Variants in PTPRF observed in about 807,000 individuals in gnomAD.
PTPRF encodes the protein receptor-type tyrosine-protein phosphatase F.
Under a neutral mutation model 201.8 loss-of-function variants are expected in PTPRF, and 59 were observed. The observed-to-expected ratio is 0.29, with a 90% CI of 0.24 to 0.36. PTPRF has a LOEUF of 0.36. PTPRF is among the 10% of genes least tolerant of loss of function. The pLI is 1.00. For missense variants in PTPRF, 2,132 were observed against 2,690.5 expected (o/e 0.79, Z 4.59); for synonymous variants, 1,088 against 1,089.7 (o/e 1.00, Z 0.03).
chr1:43,599,428 C>A (rs1653189837), intron 13 of PTPRF, among the ~76,000 whole-genome samples: 1 of 152,156 alleles, frequency 6.6e-6, no homozygotes, highest in African/African-American at 2.4e-5. Context: ...GGCTGGCATC[C>A]ACTCTTCCCA....
chr1:43,595,172 C>A (rs1035976274), intron 11 of PTPRF, among the ~76,000 whole-genome samples: 5 of 151,974 alleles, frequency 3.3e-5, no homozygotes, highest in African/African-American at 1.2e-4. Context: ...TAGAGAGGGC[C>A]GTGGAGCTGA....
At chr1:43,595,508 C>T (rs892678400) in intron 11 of PTPRF, among the ~76,000 whole-genome samples, 6 of 151,064 alleles carry the variant, frequency 4.0e-5, no homozygotes, top group African/African-American at 1.5e-4. Flanking sequence ...GCGTGAGCCA[C>T]CGCGCCCGGC....
At position 43,590,974 on chromosome 1, in the gene PTPRF, C is replaced by T. The variant is rs1650532176; in HGVS notation, c.952C>T (p.Leu318Phe). 1.9e-6 allele frequency: 3 copies of T among 1,603,302 alleles called. No homozygotes were observed. The Admixed American group carries it at 5.0e-5, about 27-fold the overall frequency. ...TGAGCCTTCCACTTTGTCTCCAGCTCTTCCAAAGCCTCCGATTGATCTTGT... is the reference window on the plus strand; with the variant it reads ...TGAGCCTTCCACTTTGTCTCCAGCTTTTCCAAAGCCTCCGATTGATCTTGT... ...EATAQVTVKA[L>F]PKPPIDLVVT... The change falls in exon 9 of 34, where the codon CTT (leucine) becomes TTT (phenylalanine). Residue 318 changes from leucine to phenylalanine, a missense_variant and splice_region_variant. Transcript: ENST00000359947.
intron 2 of PTPRF, among the ~76,000 whole-genome samples, chr1:43,539,793 G>A (rs1030611669): frequency 6.6e-6 from 1 of 152,188 alleles, no homozygotes; most frequent in Non-Finnish European, 1.5e-5. Flanking sequence ...GTCCTCTCGG[G>A]AGGCCACTAG....
At chr1:43,548,248 C>G (rs1281812689) in intron 3 of PTPRF, among the ~76,000 whole-genome samples, 2 of 152,000 alleles carry the variant, frequency 1.3e-5, no homozygotes, top group African/African-American at 4.8e-5. Context: ...GGTCCGAAGA[C>G]CAGGTGGGAG....
intron 11 of PTPRF, among the ~76,000 whole-genome samples, chr1:43,597,178 T>C (rs1396046024): frequency 1.3e-5 from 2 of 152,176 alleles, no homozygotes; most frequent in Admixed American, 6.5e-5. Context: ...AGACACTATG[T>C]GTATGTGACA....
At chr1:43,616,982 A>G (rs1244641839) in intron 23 of PTPRF, among the ~76,000 whole-genome samples, 1 of 152,134 alleles carries the variant, frequency 6.6e-6, no homozygotes, top group African/African-American at 2.4e-5. Flanking sequence ...AGAGCCGAGC[A>G]GGGAGGGATC....
Position 43,566,114 on chromosome 1 carries a change from C to T in PTPRF, c.380-3476C>T, listed in dbSNP as rs140545757. Among the ~76,000 whole-genome samples the T allele has an allele frequency of 5.3e-3, 811 of 152,264 alleles. 31 individuals are homozygous for T. The East Asian group carries it at 0.095, about 18-fold the overall frequency. On this transcript the variant is annotated intron_variant, in intron 5 of 33. Coordinates refer to ENST00000359947, the MANE Select transcript of PTPRF (RefSeq NM_002840.5). ...GCGTGTGCGGGGCTCTGCAGTGGAG[C>T]CTGAGCCGTGCCGGCCGAGGCGTGG...
Position 43,553,420 on chromosome 1 carries a change from A to G in PTPRF, c.92-72A>G. 5 of 1,497,676 alleles carry G rather than the reference A, an allele frequency of 3.3e-6. No homozygotes were observed. The highest frequency in any genetic ancestry group is 4.6e-6 in the Non-Finnish European group (5 of 1,095,276). 92.8% of individuals were successfully genotyped at this position (1,497,676 alleles called of 1,614,324 possible). On this transcript the variant is annotated intron_variant, in intron 3 of 33. Transcript: ENST00000359947. This position sits in a 1 kb window ranked among gnomAD's most constrained non-coding sequence, Gnocchi z 4.1. The stretch of plus-strand genomic sequence containing the variant: ...GTAGGTCTTTCTCTCTGCCCCCATG[A>G]CTGCCACCTTCCTCACTGGCCATTC...
In PTPRF at chr1:43,538,207, G is replaced by A. The variant is rs1644144972; in HGVS notation, c.-116G>A. On this transcript the variant is annotated 5_prime_UTR_variant, in exon 2 of 34. Coordinates refer to ENST00000359947, the MANE Select transcript of PTPRF (RefSeq NM_002840.5). ...TTTCCTTTCTGTCCAGGAAGGAGTGGAGGCCCTGGTGCCCGGCCCTTGGTG... is the reference window on the plus strand; with the variant it reads ...TTTCCTTTCTGTCCAGGAAGGAGTGAAGGCCCTGGTGCCCGGCCCTTGGTG... 2.5e-6 allele frequency: 1 copy of A among 398,490 alleles called. No homozygotes were observed. The highest frequency in any genetic ancestry group is 2.1e-5 in the African/African-American group (1 of 48,608). 24.7% of individuals were successfully genotyped at this position (398,490 alleles called of 1,614,324 possible).
At chr1:43,584,398 T>C (rs1648577734) in intron 7 of PTPRF, among the ~76,000 whole-genome samples, 1 of 152,230 alleles carries the variant, frequency 6.6e-6, no homozygotes, top group Non-Finnish European at 1.5e-5. Context: ...TATGCACAGC[T>C]GAGCACTGGG....
chr1:43,535,417 T>A (rs1022248591), intron 1 of PTPRF, among the ~76,000 whole-genome samples: 5 of 152,156 alleles, frequency 3.3e-5, no homozygotes, highest in Admixed American at 6.5e-5. Flanking sequence ...TCTGCCACCA[T>A]CTGCCTCTGT....
upstream of PTPRF, among the ~76,000 whole-genome samples, chr1:43,529,390 A>G (rs1233325670): frequency 1.3e-5 from 2 of 152,242 alleles, no homozygotes; most frequent in Admixed American, 6.5e-5. Flanking sequence ...TCCTCAGCCC[A>G]GATCCCTGAA....
chr1:43,609,340 C>T, intron 21 of PTPRF, 43 bp from the exon 22 acceptor site: 2 of 1,541,904 alleles, frequency 1.3e-6, no homozygotes, highest in Non-Finnish European at 1.8e-6. Flanking sequence ...ACTGTCTCAG[C>T]CTGGACCTCA....
intron 5 of PTPRF, among the ~76,000 whole-genome samples, chr1:43,562,513 C>T (rs1001169562): frequency 1.2e-4 from 18 of 152,020 alleles, no homozygotes; most frequent in African/African-American, 4.1e-4. Flanking sequence ...TGAAGCAATT[C>T]TCATGTCTCA....
intron 3 of PTPRF, among the ~76,000 whole-genome samples, chr1:43,551,130 C>T (rs1225070017): frequency 2.0e-5 from 3 of 152,012 alleles, no homozygotes; most frequent in East Asian, 1.9e-4. Flanking sequence ...AGACGGGAGG[C>T]GTGGGGCAGG....
chr1:43,553,852 G>A lies in PTPRF; in HGVS notation c.290G>A (p.Arg97Gln), dbSNP rs767916955. 4.3e-6 allele frequency: 7 copies of A among 1,614,058 alleles called. No individual in the cohort carries two copies. Among genetic ancestry groups the A allele is most frequent in the East Asian group, 2.2e-5 (1 of 44,900 alleles). Reference protein sequence around the residue: ...AGSVLRIQPLRVQRDEAIYEC... With the variant: ...AGSVLRIQPLQVQRDEAIYEC... ...TCAGTGCTTCGGATCCAGCCATTGCGGGTGCAGCGAGATGAAGCCATCTAT... is the reference window on the plus strand; with the variant it reads ...TCAGTGCTTCGGATCCAGCCATTGCAGGTGCAGCGAGATGAAGCCATCTAT... Residue 97 changes from arginine (R) to glutamine (Q), a missense_variant, in exon 5 of 34, where the codon CGG becomes CAG. Around this residue, in one of 6 missense-constraint regions of PTPRF, gnomAD observed 297 missense variants for 454.0 expected, o/e 0.65. Transcript: ENST00000359947. The surrounding 1 kb of genome is among the most constrained non-coding windows in gnomAD (Gnocchi z 4.1).
chr1:43,524,153 GAGCTA>G (rs1224812809), upstream of PTPRF, among the ~76,000 whole-genome samples: 5 of 152,190 alleles, frequency 3.3e-5, no homozygotes, highest in Admixed American at 3.3e-4. Context: ...TTAGAAGCAG[GAGCTA>G]AGCTGTGAGT....
At chr1:43,619,649 C>T (rs748591276) in intron 28 of PTPRF, 31 bp from the exon 29 acceptor site, 1 of 1,612,240 alleles carries the variant, frequency 6.2e-7, no homozygotes, top group East Asian at 2.2e-5. Flanking sequence ...CCACAGGAAG[C>T]CTGGCCTGAC....
Sources: gnomAD v4.1 joint callset for allele counts (sites outside exome capture counted in the v4.1 genomes callset) on GRCh38, gnomAD v4.1.1 for gene constraint, gnomAD v4.1.1 regional missense constraint, Gnocchi (gnomAD v3.1) non-coding constraint, MANE v1.5 for transcripts, NCBI Gene and HGNC (gene_info 2026-07-23, HGNC 2026-07-21) for gene names.